The following CFAP44 variants were observed in gnomAD, a reference collection of about 807,000 sequenced individuals.
CFAP44 encodes the protein cilia- and flagella-associated protein 44.
In CFAP44, 134 loss-of-function variants were observed where a neutral mutation model predicts 216.2. The observed-to-expected ratio is 0.62, with a 90% CI of 0.54 to 0.72. CFAP44 has a LOEUF of 0.72. CFAP44 is among the 30% of genes least tolerant of loss of function. The probability of loss-of-function intolerance (pLI) is 0.00; values close to 1 mark genes in which losing one functional copy is unlikely to be tolerated. For synonymous variants in CFAP44, 700 were observed against 727.6 expected (o/e 0.96, Z 0.61); for missense variants, 2,035 against 2,182.1 (o/e 0.93, Z 1.34).
intron 24 of CFAP44, among the ~76,000 whole-genome samples, chr3:113,338,281 AAAAG>A (rs1559915726): frequency 7.8e-4 from 116 of 148,966 alleles, no homozygotes; most frequent in African/African-American, 2.2e-3. Context: ...AAAAAAAAAA[AAAAG>A]AACAAACTCT....
intron 23 of CFAP44, among the ~76,000 whole-genome samples, chr3:113,342,381 A>G (rs1303034486): frequency 6.6e-6 from 1 of 152,186 alleles, no homozygotes; most frequent in Non-Finnish European, 1.5e-5. Flanking sequence ...TTGACCAACT[A>G]CTATGAATTC....
chr3:113,435,480 C>A (rs1935214940), intron 1 of CFAP44, among the ~76,000 whole-genome samples: 1 of 151,968 alleles, frequency 6.6e-6, no homozygotes, highest in Non-Finnish European at 1.5e-5. Context: ...AGTTACCTCC[C>A]ACTGGGTCCC....
intron 28 of CFAP44, among the ~76,000 whole-genome samples, chr3:113,313,209 CTGGAGTCA>C (rs1950056186): frequency 6.6e-6 from 1 of 152,094 alleles, no homozygotes; most frequent in Non-Finnish European, 1.5e-5. Context: ...GATGTGAGAC[CTGGAGTCA>C]AAGGAGATCA....
chr3:113,388,115 C>T (rs1465650314), intron 15 of CFAP44, among the ~76,000 whole-genome samples: 1 of 152,138 alleles, frequency 6.6e-6, no homozygotes, highest in African/African-American at 2.4e-5. Flanking sequence ...GACGATCTCA[C>T]CACCCTGAAG....
chr3:113,341,529 G>A (rs999309008), intron 24 of CFAP44, among the ~76,000 whole-genome samples: 3 of 152,044 alleles, frequency 2.0e-5, no homozygotes, highest in Admixed American at 2.0e-4. Context: ...TGGAATTCCT[G>A]GACCGGAAAC....
chr3:113,316,105 A>T (rs1235430747), intron 28 of CFAP44, among the ~76,000 whole-genome samples: 2 of 152,262 alleles, frequency 1.3e-5, no homozygotes, highest in Non-Finnish European at 2.9e-5. Context: ...ATGTTCTCCG[A>T]CCACAATGAA....
chr3:113,396,509 ACTG>A lies in CFAP44; in HGVS notation c.1779+6_1779+8del. On this transcript the variant is annotated splice_donor_region_variant and intron_variant, in intron 14 of 34. Coordinates refer to ENST00000393845, the MANE Select transcript of CFAP44 (RefSeq NM_001164496.2). ...TTCAACAAGAAAAGAAAGGAAATGT[ACTG>A]CTTACCCCTGTGGCTAGAATTTCCC... is the stretch of plus-strand genomic sequence containing the variant. The A allele has an allele frequency of 1.2e-6, 2 of 1,612,358 alleles. No homozygotes were observed. Among genetic ancestry groups the A allele is most frequent in the Non-Finnish European group, 8.5e-7 (1 of 1,178,964 alleles).
intron 32 of CFAP44, among the ~76,000 whole-genome samples, chr3:113,298,652 C>T (rs757458864): frequency 6.6e-6 from 1 of 152,102 alleles, no homozygotes; most frequent in Non-Finnish European, 1.5e-5. Context: ...ATATTATTTG[C>T]CTTAAAAAGG....
intron 34 of CFAP44, among the ~76,000 whole-genome samples, chr3:113,292,142 A>T (rs759867028): frequency 6.6e-6 from 1 of 152,086 alleles, no homozygotes; most frequent in Non-Finnish European, 1.5e-5. Context: ...ACTCCTACTC[A>T]TGTTTCACAC....
intron 6 of CFAP44, among the ~76,000 whole-genome samples, chr3:113,410,231 T>C (rs1934419684): frequency 6.6e-6 from 1 of 152,202 alleles, no homozygotes; most frequent in South Asian, 2.1e-4. Flanking sequence ...ACATGTGTCA[T>C]GTTGGTGTGC....
Position 113,427,331 on chromosome 3 carries a change from G to C in CFAP44, c.109C>G (p.Gln37Glu), listed in dbSNP as rs773691823. Residue 37 changes from glutamine (Q) to glutamate (E), a missense_variant, in exon 3 of 35, where the codon CAA becomes GAA. Physicochemically the swap from Gln to Glu is conservative, Grantham distance 29. Transcript: ENST00000393845. ...SSKSESRSPV[Q>E]EDNTFLEDDT... ...TCTTCTAAAAATGTGTTATCTTCTTGAACAGGAGCTATTAAAATTTGTTTT... is the reference window on the plus strand; with the variant it reads ...TCTTCTAAAAATGTGTTATCTTCTTCAACAGGAGCTATTAAAATTTGTTTT... 3 of 1,588,858 alleles carry C rather than the reference G, an allele frequency of 1.9e-6. No individual in the cohort carries two copies. The highest frequency in any genetic ancestry group is 2.6e-6 in the Non-Finnish European group (3 of 1,172,750).
intron 15 of CFAP44, among the ~76,000 whole-genome samples, chr3:113,389,074 A>T (rs1933727462): frequency 6.6e-6 from 1 of 152,214 alleles, no homozygotes; most frequent in African/African-American, 2.4e-5. Context: ...CAGAATACAC[A>T]TTATTCTCCT....
intron 18 of CFAP44, among the ~76,000 whole-genome samples, chr3:113,370,501 G>A (rs1284318229): frequency 1.3e-5 from 2 of 152,090 alleles, no homozygotes; most frequent in Non-Finnish European, 2.9e-5. Context: ...CTCAATAGAC[G>A]CAGAAAAGGC....
intron 4 of CFAP44, among the ~76,000 whole-genome samples, chr3:113,422,500 C>T (rs898696427): frequency 6.6e-6 from 1 of 152,160 alleles, no homozygotes; most frequent in Non-Finnish European, 1.5e-5. Flanking sequence ...TTTCAGGGTA[C>T]TGGATCTGTT....
In CFAP44 at chr3:113,358,860, A is replaced by G. The variant is rs1436945878; in HGVS notation, c.2950T>C (p.Ser984Pro). The G allele has an allele frequency of 2.0e-6, 3 of 1,536,370 alleles. No individual in the cohort carries two copies. In the South Asian group the frequency reaches 3.6e-5, roughly 18 times the overall value. ...CTGTGCATCTCAGCACGGATTTGGG[A>G]ATCTACATCAAAATCCTGCAGATAA... ...QFKRTDFDVD[S>P]QIRAEMHRKT... Residue 984 changes from serine to proline, a missense_variant, in exon 22 of 35, where the codon TCC becomes CCC. Physicochemically the swap from Ser to Pro is moderately conservative, Grantham distance 74 (BLOSUM62 -1). Around this residue, in one of 3 missense-constraint regions of CFAP44, gnomAD observed 1,883 missense variants for 2,023.7 expected, o/e 0.93. Transcript: ENST00000393845.
intron 32 of CFAP44, among the ~76,000 whole-genome samples, chr3:113,301,512 A>G (rs561201940): frequency 8.5e-5 from 13 of 152,298 alleles, no homozygotes; most frequent in Non-Finnish European, 1.5e-4. Context: ...ATCAAATATT[A>G]CTAAAGTATT....
At chr3:113,367,416 C>T (rs1932981100) in intron 18 of CFAP44, among the ~76,000 whole-genome samples, 1 of 152,216 alleles carries the variant, frequency 6.6e-6, no homozygotes. Context: ...TCTGCAGCCT[C>T]CATTGGTGAT....
At position 113,290,365 on chromosome 3, in the gene CFAP44, C is replaced by T. The variant is rs1329413422; in HGVS notation, c.*1192G>A. 2.0e-5 allele frequency: 3 copies of T among 152,168 alleles called. No homozygotes were observed. The highest frequency in any genetic ancestry group is 4.4e-5 in the Non-Finnish European group (3 of 68,040). The allele number at this position is 152,168 out of a possible 1,614,324, so 9.4% of individuals were successfully genotyped here. ...TGCTGATGTACAAAGAAAGCAAGAC[C>T]TGTCTGTAATTTTGGGGGGCACATT... On this transcript the variant is annotated 3_prime_UTR_variant, in exon 35 of 35. Transcript: ENST00000393845.
At chr3:113,441,024 C>T (rs1935348550) in intron 1 of CFAP44, among the ~76,000 whole-genome samples, 1 of 152,222 alleles carries the variant, frequency 6.6e-6, no homozygotes, top group South Asian at 2.1e-4. Context: ...AATAATAACT[C>T]CATGAGGTCA....
Sources: allele counts gnomAD v4.1 joint callset (sites outside exome capture counted in the v4.1 genomes callset), GRCh38; gene constraint gnomAD v4.1.1; regional missense constraint gnomAD v4.1.1; transcripts MANE v1.5; gene names NCBI Gene and HGNC (gene_info 2026-07-23, HGNC 2026-07-21).